Variants in SOS1 observed in about 807,000 individuals in gnomAD.
SOS1 encodes son of sevenless homolog 1.
Under a neutral mutation model 157.6 loss-of-function variants are expected in SOS1, and 25 were observed. The observed-to-expected ratio is 0.16, with a 90% confidence interval of 0.12 to 0.22. SOS1 has a LOEUF of 0.22. Among genes scored for constraint, SOS1 ranks in the 10% least tolerant of loss-of-function variants. SOS1 has a pLI of 1.00. For synonymous variants in SOS1, 528 were observed against 534.0 expected (o/e 0.99, Z 0.16); for missense variants, 1,237 against 1,599.1 (o/e 0.77, Z 3.86).
chr2:39,050,370 T>C (rs1572854412), intron 6 of SOS1, among the ~76,000 whole-genome samples: 1 of 152,194 alleles, frequency 6.6e-6, no homozygotes, highest in African/African-American at 2.4e-5. Context: ...TATTGTCCTA[T>C]TTACCTCATT....
At chr2:38,998,299 G>C (rs1401765441) in intron 17 of SOS1, among the ~76,000 whole-genome samples, 2 of 151,532 alleles carry the variant, frequency 1.3e-5, no homozygotes, top group African/African-American at 2.4e-5. Context: ...TCCCAGGCTA[G>C]AGTGCAATGG....
intron 1 of SOS1, among the ~76,000 whole-genome samples, chr2:39,090,512 A>G (rs577532284): frequency 3.9e-5 from 6 of 152,008 alleles, no homozygotes; most frequent in Middle Eastern, 3.4e-3. Context: ...CCTGGCCAAC[A>G]TGGCAAAACC....
chr2:39,024,665 T>G (rs1290618948), intron 8 of SOS1, among the ~76,000 whole-genome samples: 1 of 152,120 alleles, frequency 6.6e-6, no homozygotes, highest in East Asian at 1.9e-4. Context: ...TTGGGGCAAG[T>G]CACTTGATCT....
chr2:39,068,301 C>G (rs771924167), intron 1 of SOS1, among the ~76,000 whole-genome samples: 5 of 152,064 alleles, frequency 3.3e-5, no homozygotes, highest in Non-Finnish European at 5.9e-5. Flanking sequence ...ACTATGGTTA[C>G]AATATGATGC....
At chr2:39,021,322 T>G (rs1332080135) in intron 10 of SOS1, among the ~76,000 whole-genome samples, 1 of 151,576 alleles carries the variant, frequency 6.6e-6, no homozygotes, top group African/African-American at 2.4e-5. Flanking sequence ...CCCCAGACAA[T>G]AGTTGTAACC....
At chr2:39,014,564 T>C (rs574455009) in intron 11 of SOS1, among the ~76,000 whole-genome samples, 1 of 152,170 alleles carries the variant, frequency 6.6e-6, no homozygotes, top group East Asian at 1.9e-4. Context: ...AGTTTTCACA[T>C]ACAAAAAAGA....
At chr2:39,037,996 T>C (rs1670417420) in intron 6 of SOS1, among the ~76,000 whole-genome samples, 1 of 152,166 alleles carries the variant, frequency 6.6e-6, no homozygotes, top group Middle Eastern at 3.2e-3. Flanking sequence ...ACAAGGAGAT[T>C]AATGTTGTTT....
chr2:39,045,273 A>AGAGTGGGT (rs138343013), intron 6 of SOS1, among the ~76,000 whole-genome samples: 1 of 108,048 alleles, frequency 9.3e-6, no homozygotes, highest in Non-Finnish European at 1.9e-5. Flanking sequence ...AGAGAGAGAG[A>AGAGTGGGT]GTGTGTGTGT....
rs1673849663 is a variant in SOS1, at chr2:39,120,730, T to TGCCCTCTGCCGCGGCC, written c.-324_-309dup. ...CCGGCCCGCCGGCGCCGCCCCGGGCTGCCCTCTGCCGCGGCCGCCGCCCGC... is the reference window on the plus strand; with the variant it reads ...CCGGCCCGCCGGCGCCGCCCCGGGCTGCCCTCTGCCGCGGCCGCCCTCTGCCGCGGCCGCCGCCCGC... On this transcript the variant is annotated 5_prime_UTR_variant, in exon 1 of 23. Coordinates refer to ENST00000402219, the MANE Select transcript of SOS1 (RefSeq NM_005633.4). 1.4e-5 allele frequency among the ~76,000 whole-genome samples: 2 copies of TGCCCTCTGCCGCGGCC among 146,752 alleles called. No homozygotes were observed. The highest frequency in any genetic ancestry group is 1.5e-5 in the Non-Finnish European group (1 of 66,022).
chr2:39,024,418 A>G (rs1669892164), intron 8 of SOS1, among the ~76,000 whole-genome samples: 1 of 152,018 alleles, frequency 6.6e-6, no homozygotes, highest in Non-Finnish European at 1.5e-5. Context: ...CTGAAAAGAA[A>G]TGGGGAGCAT....
intron 17 of SOS1, among the ~76,000 whole-genome samples, chr2:39,000,453 A>ATAGAAAGTCTAG (rs1369819063): frequency 6.6e-6 from 1 of 152,242 alleles, no homozygotes; most frequent in African/African-American, 2.4e-5. Context: ...AAATATATAA[A>ATAGAAAGTCTAG]TAGAAAGTCT....
chr2:39,100,496 C>G (rs917765356), intron 1 of SOS1, among the ~76,000 whole-genome samples: 2 of 152,148 alleles, frequency 1.3e-5, no homozygotes, highest in Admixed American at 6.5e-5. Flanking sequence ...TGAGATACTG[C>G]CATTTGCAAC....
intron 8 of SOS1, among the ~76,000 whole-genome samples, chr2:39,028,012 G>A (rs890336189): frequency 2.0e-5 from 3 of 152,092 alleles, no homozygotes; most frequent in African/African-American, 7.2e-5. Context: ...TGTATTTTTA[G>A]TAGAGACAGG....
chr2:39,021,921 G>GTTTT (rs1669810905), intron 10 of SOS1, among the ~76,000 whole-genome samples: 2 of 151,656 alleles, frequency 1.3e-5, no homozygotes, highest in Non-Finnish European at 3.0e-5. Flanking sequence ...TCAAAAAACA[G>GTTTT]CTTTATATGG....
At chr2:38,988,635 T>G in intron 21 of SOS1, among the ~76,000 whole-genome samples, 1 of 152,182 alleles carries the variant, frequency 6.6e-6, no homozygotes, top group East Asian at 1.9e-4. Flanking sequence ...TATAGTTAAT[T>G]CAGCTTGTAA....
chr2:39,002,865 G>A (rs898033428), intron 17 of SOS1, among the ~76,000 whole-genome samples: 9 of 151,864 alleles, frequency 5.9e-5, no homozygotes, highest in African/African-American at 2.2e-4. Flanking sequence ...AGGAGTTCGA[G>A]ACCAGCCTGG....
intron 1 of SOS1, among the ~76,000 whole-genome samples, chr2:39,094,241 G>T (rs1198613029): frequency 2.6e-5 from 4 of 151,754 alleles, no homozygotes; most frequent in African/African-American, 7.3e-5. Context: ...AAATGTAATG[G>T]GTTCATTATT....
intron 6 of SOS1, among the ~76,000 whole-genome samples, chr2:39,045,247 A>AGGGAGAGGGAGGGAGAGG (rs150513425): frequency 1.5e-5 from 2 of 129,308 alleles, no homozygotes; most frequent in Non-Finnish European, 3.3e-5. Flanking sequence ...AGAGAGGGAG[A>AGGGAGAGGGAGGGAGAGG]GAGAGAGAGA....
chr2:39,086,576 T>C (rs1672382713), intron 1 of SOS1, among the ~76,000 whole-genome samples: 1 of 152,222 alleles, frequency 6.6e-6, no homozygotes, highest in Admixed American at 6.5e-5. Context: ...TAAGAAGTGG[T>C]TAGATATTAA....
Sources: allele counts gnomAD v4.1 joint callset (sites outside exome capture counted in the v4.1 genomes callset), GRCh38; gene constraint gnomAD v4.1.1; transcripts MANE v1.5; gene names NCBI Gene and HGNC (gene_info 2026-07-23, HGNC 2026-07-21).